Variants in IGF1R observed in about 807,000 individuals in gnomAD.
The protein encoded by IGF1R is insulin-like growth factor 1 receptor.
IGF1R carries 44 observed loss-of-function variants against 144.6 expected under a neutral mutation model. That is an observed-to-expected ratio of 0.30 (90% CI 0.24 to 0.39). The LOEUF (loss-of-function observed/expected upper bound fraction) is 0.39, where lower values mean the gene tolerates loss of function less well. IGF1R is among the 10% of genes least tolerant of loss of function. The pLI is 1.00. For synonymous variants in IGF1R, 795 were observed against 722.8 expected (o/e 1.10, Z -1.60); for missense variants, 1,355 against 1,833.7 (o/e 0.74, Z 4.77).
chr15:98,671,074 A>AG (rs2052878060), intron 1 of IGF1R, among the ~76,000 whole-genome samples: 1 of 152,188 alleles, frequency 6.6e-6, no homozygotes, highest in Non-Finnish European at 1.5e-5. Flanking sequence ...TTGGTGTCTC[A>AG]CGTTGATGCA....
In IGF1R at chr15:98,649,531, T is replaced by C. The variant is rs777217358; in HGVS notation, c.-51T>C. ...CCTTTTTTTCTTTTCTTTTCTTTTT[T>C]TTTTTTTTTTTTTTTTTTGAGAAAG... On this transcript the variant is annotated 5_prime_UTR_variant, in exon 1 of 21. Transcript: ENST00000650285. 6.7e-4 allele frequency: 104 copies of C among 154,324 alleles called. No individual in the cohort carries two copies. Among genetic ancestry groups the C allele is most frequent in the South Asian group, 3.1e-3 (38 of 12,388 alleles). The allele number at this position is 154,324 out of a possible 1,614,324, so 9.6% of individuals were successfully genotyped here. A position where few individuals can be genotyped will look rare whatever the true frequency, so the allele number is the denominator to read the frequency against.
intron 2 of IGF1R, among the ~76,000 whole-genome samples, chr15:98,864,786 A>C (rs2012339122): frequency 6.6e-6 from 1 of 152,238 alleles, no homozygotes; most frequent in Non-Finnish European, 1.5e-5. Flanking sequence ...AAAATAAAAA[A>C]GATTTATACT....
At chr15:98,775,000 A>G (rs964129082) in intron 2 of IGF1R, among the ~76,000 whole-genome samples, 11 of 152,310 alleles carry the variant, frequency 7.2e-5, no homozygotes, top group Admixed American at 7.2e-4. Flanking sequence ...CCAGCTGGGC[A>G]GTCCCAGGTT....
intron 2 of IGF1R, among the ~76,000 whole-genome samples, chr15:98,887,166 C>T (rs888882124): frequency 1.1e-4 from 16 of 152,160 alleles, no homozygotes; most frequent in African/African-American, 3.9e-4. Context: ...GCTCCCACCA[C>T]CGAAACACAC....
In IGF1R at chr15:98,890,796, A is replaced by C. The variant is rs1055888872; in HGVS notation, c.641-529A>C. 4.9e-5 allele frequency: 8 copies of C among 162,542 alleles called. No individual in the cohort carries two copies. The South Asian group carries it at 1.3e-3, about 27-fold the overall frequency. 10.1% of individuals were successfully genotyped at this position (162,542 alleles called of 1,614,324 possible). A position where few individuals can be genotyped will look rare whatever the true frequency, so the allele number is the denominator to read the frequency against. On this transcript the variant is annotated intron_variant, in intron 2 of 20. Transcript: ENST00000650285. The stretch of plus-strand genomic sequence containing the variant: ...TCTAAGGCAGCAGAAATTTCCCTGA[A>C]GTCATTTTGAATGGTATCATCTTTA...
intron 2 of IGF1R, among the ~76,000 whole-genome samples, chr15:98,844,616 TTG>T (rs148102776): frequency 2.7e-3 from 402 of 149,116 alleles, no homozygotes; most frequent in African/African-American, 8.5e-3. Flanking sequence ...TTAACTATAT[TTG>T]TGTGTGTGTG....
At chr15:98,711,857 G>T (rs1043871163) in intron 2 of IGF1R, among the ~76,000 whole-genome samples, 2 of 152,236 alleles carry the variant, frequency 1.3e-5, no homozygotes, top group African/African-American at 4.8e-5. Context: ...GAGGCTGGAA[G>T]TCCAAGTTCA....
intron 2 of IGF1R, among the ~76,000 whole-genome samples, chr15:98,889,264 G>A (rs905725331): frequency 1.4e-4 from 21 of 152,210 alleles, no homozygotes; most frequent in African/African-American, 3.6e-4. Flanking sequence ...TATCATGACA[G>A]TTTTCTTCAG....
chr15:98,650,956 G>C (rs1018430376), intron 1 of IGF1R: 1 of 985,058 alleles, frequency 1.0e-6, no homozygotes, highest in East Asian at 1.1e-4. Flanking sequence ...AGGAGGTGGG[G>C]GTTTTATTCT....
intron 2 of IGF1R, among the ~76,000 whole-genome samples, chr15:98,888,881 A>C (rs1157278325): frequency 1.3e-5 from 2 of 152,186 alleles, no homozygotes. Context: ...ATAAGGGACT[A>C]AGTTCCTTTT....
intron 2 of IGF1R, among the ~76,000 whole-genome samples, chr15:98,862,728 G>A (rs768105546): frequency 6.6e-6 from 1 of 152,162 alleles, no homozygotes; most frequent in Non-Finnish European, 1.5e-5. Context: ...TAGTTCAAAG[G>A]TCTTTTTCTC....
intron 2 of IGF1R, among the ~76,000 whole-genome samples, chr15:98,760,066 G>A (rs774497889): frequency 1.7e-4 from 26 of 152,040 alleles, no homozygotes; most frequent in African/African-American, 4.1e-4. Flanking sequence ...CTGACTGGGC[G>A]CGGTGGCTCA....
chr15:98,887,358 G>A (rs553694896), intron 2 of IGF1R, among the ~76,000 whole-genome samples: 15 of 151,938 alleles, frequency 9.9e-5, no homozygotes, highest in East Asian at 5.8e-4. Flanking sequence ...GGAAAATCCC[G>A]GCATTGATAT....
chr15:98,756,167 GATT>G (rs2055150709), intron 2 of IGF1R, among the ~76,000 whole-genome samples: 1 of 151,132 alleles, frequency 6.6e-6, no homozygotes, highest in Admixed American at 6.6e-5. Context: ...TTGATATTAG[GATT>G]ATGTTTTTTA....
chr15:98,768,629 A>T (rs1418299571), intron 2 of IGF1R, among the ~76,000 whole-genome samples: 1 of 137,456 alleles, frequency 7.3e-6, no homozygotes, highest in Non-Finnish European at 1.6e-5. Context: ...AAAAAAAAAA[A>T]ATGCCCACAA....
At chr15:98,858,024 A>G (rs1596365851) in intron 2 of IGF1R, among the ~76,000 whole-genome samples, 2 of 152,254 alleles carry the variant, frequency 1.3e-5, no homozygotes, top group African/African-American at 4.8e-5. Context: ...CCTAAGAACT[A>G]TAAGACAAGC....
intron 2 of IGF1R, among the ~76,000 whole-genome samples, chr15:98,822,466 G>A (rs1397412181): frequency 6.6e-6 from 1 of 152,194 alleles, no homozygotes; most frequent in Non-Finnish European, 1.5e-5. Flanking sequence ...ACAAGGTCCC[G>A]ATGTAAAGTT....
At chr15:98,716,910 C>G (rs2054131514) in intron 2 of IGF1R, among the ~76,000 whole-genome samples, 1 of 152,178 alleles carries the variant, frequency 6.6e-6, no homozygotes, top group Admixed American at 6.5e-5. Flanking sequence ...CCCTGAGCAT[C>G]TGTTCCTTAC....
chr15:98,668,093 C>T (rs2052790703), intron 1 of IGF1R, among the ~76,000 whole-genome samples: 2 of 152,060 alleles, frequency 1.3e-5, no homozygotes, highest in Admixed American at 6.6e-5. Context: ...GTTAAGGGTC[C>T]ATTTCTTGGC....
Sources: gnomAD v4.1 joint callset for allele counts (sites outside exome capture counted in the v4.1 genomes callset) on GRCh38, gnomAD v4.1.1 for gene constraint, MANE v1.5 for transcripts, NCBI Gene and HGNC (gene_info 2026-07-23, HGNC 2026-07-21) for gene names.